The following SNTG1 variants were observed in gnomAD, a reference collection of about 807,000 sequenced individuals.
The protein encoded by SNTG1 is gamma-1-syntrophin.
In SNTG1, 39 loss-of-function variants were observed where a neutral mutation model predicts 74.7. The ratio of observed to expected loss-of-function variants is 0.52; its 90% CI spans 0.40 to 0.68. SNTG1 has a LOEUF of 0.68. SNTG1 is among the 30% of genes least tolerant of loss of function. The pLI is 0.00. For synonymous variants in SNTG1, 254 were observed against 217.1 expected, an observed-to-expected ratio of 1.17 and a Z score of -1.49; for missense variants, 685 against 609.5, an observed-to-expected ratio of 1.12 and a Z score of -1.30.
chr8:50,667,060 A>G (rs901076168), intron 15 of SNTG1, among the ~76,000 whole-genome samples: 3 of 152,076 alleles, frequency 2.0e-5, no homozygotes, highest in South Asian at 2.1e-4. Context: ...TAAAAGCAAA[A>G]TAAATCAATA....
At chr8:50,053,798 C>G (rs530256260) in intron 1 of SNTG1, among the ~76,000 whole-genome samples, 1 of 151,924 alleles carries the variant, frequency 6.6e-6, no homozygotes, top group Non-Finnish European at 1.5e-5. Flanking sequence ...ATCTACAACA[C>G]AAACCCCACC....
intron 15 of SNTG1, among the ~76,000 whole-genome samples, chr8:50,695,769 A>T (rs147884782): frequency 2.1e-3 from 319 of 151,844 alleles, no homozygotes; most frequent in Non-Finnish European, 3.8e-3. Flanking sequence ...AACGGCCTCC[A>T]GTTCCATCAA....
At chr8:50,270,212 T>A (rs2087707386) in intron 2 of SNTG1, among the ~76,000 whole-genome samples, 1 of 152,156 alleles carries the variant, frequency 6.6e-6, no homozygotes, top group Non-Finnish European at 1.5e-5. Flanking sequence ...AGGTTTTGAA[T>A]GCCAGGTTAA....
intron 2 of SNTG1, among the ~76,000 whole-genome samples, chr8:50,235,916 A>T (rs1438797147): frequency 6.6e-6 from 1 of 152,222 alleles, no homozygotes; most frequent in Non-Finnish European, 1.5e-5. Context: ...CATTATTTAA[A>T]TTTAAAGTAG....
chr8:50,087,796 T>C (rs1020094551), intron 1 of SNTG1, among the ~76,000 whole-genome samples: 60 of 152,006 alleles, frequency 3.9e-4, no homozygotes, highest in Non-Finnish European at 8.1e-4. Flanking sequence ...TATTTTTTAT[T>C]ATACTTTAAG....
At chr8:50,635,791 T>C (rs1471033872) in intron 13 of SNTG1, among the ~76,000 whole-genome samples, 1 of 152,118 alleles carries the variant, frequency 6.6e-6, no homozygotes, top group Non-Finnish European at 1.5e-5. Context: ...ACCCCTGTGG[T>C]TGAGCTGGTA....
chr8:50,774,376 G>A (rs2095634692), intron 18 of SNTG1, among the ~76,000 whole-genome samples: 1 of 151,800 alleles, frequency 6.6e-6, no homozygotes, highest in African/African-American at 2.4e-5. Context: ...CTCACAACAT[G>A]CAAAGAGTCG....
chr8:50,563,822 T>C (rs2094501087), intron 12 of SNTG1, among the ~76,000 whole-genome samples: 1 of 152,160 alleles, frequency 6.6e-6, no homozygotes, highest in Non-Finnish European at 1.5e-5. Flanking sequence ...TCTAGCCCCA[T>C]TTCCTGCCCA....
Position 50,340,195 on chromosome 8 carries a change from T to C in SNTG1, c.-27-54017T>C, listed in dbSNP as rs28764900. Among the ~76,000 whole-genome samples the C allele has an allele frequency of 6.0e-3, 917 of 152,142 alleles. 7 individuals are homozygous for C. The highest frequency in any genetic ancestry group is 0.021 in the African/African-American group (859 of 41,562). On this transcript the variant is annotated intron_variant, in intron 2 of 18. Transcript: ENST00000642720. ...AATCTCAGTCAAAATTCCAGCAAGG[T>C]ATTTTGTAGATACTAATAAACTGAT...
At chr8:50,364,960 A>G (rs867787218) in intron 2 of SNTG1, among the ~76,000 whole-genome samples, 10 of 152,178 alleles carry the variant, frequency 6.6e-5, no homozygotes, top group Middle Eastern at 3.4e-3. Flanking sequence ...ACCATAACAA[A>G]TGTTCTTTTT....
At chr8:50,453,355 G>A (rs994675592) in intron 8 of SNTG1, among the ~76,000 whole-genome samples, 3 of 152,086 alleles carry the variant, frequency 2.0e-5, no homozygotes, top group African/African-American at 7.2e-5. Flanking sequence ...GGACCAGTAC[G>A]GGAGTGTAAG....
At chr8:50,414,674 T>C (rs1236241395) in intron 4 of SNTG1, among the ~76,000 whole-genome samples, 1 of 152,122 alleles carries the variant, frequency 6.6e-6, no homozygotes, top group African/African-American at 2.4e-5. Flanking sequence ...TTGTGTGTTG[T>C]CTTGGAAAGG....
chr8:49,992,789 G>T (rs1414498130), intron 1 of SNTG1, among the ~76,000 whole-genome samples: 2 of 152,214 alleles, frequency 1.3e-5, no homozygotes, highest in Non-Finnish European at 2.9e-5. Context: ...TTTATGTATT[G>T]CTTTAAGTAT....
At chr8:50,376,685 G>A (rs2131191323) in intron 2 of SNTG1, among the ~76,000 whole-genome samples, 1 of 142,386 alleles carries the variant, frequency 7.0e-6, no homozygotes, top group East Asian at 2.0e-4. Context: ...ATCTATTTCA[G>A]AAGTAGATTA....
chr8:50,544,504 G>A (rs56388920), intron 11 of SNTG1, among the ~76,000 whole-genome samples: 19,958 of 151,720 alleles, frequency 0.13, 1,594 homozygotes, highest in Middle Eastern at 0.27. Context: ...TTTTAAAAGC[G>A]TACATTTATT....
chr8:50,485,150 C>A (rs1332055066), intron 8 of SNTG1, among the ~76,000 whole-genome samples: 1 of 152,118 alleles, frequency 6.6e-6, no homozygotes, highest in Non-Finnish European at 1.5e-5. Flanking sequence ...TGAGATATGA[C>A]CAAGAGGGCA....
At chr8:50,581,422 A>C (rs1484400324) in intron 12 of SNTG1, among the ~76,000 whole-genome samples, 2 of 152,168 alleles carry the variant, frequency 1.3e-5, no homozygotes, top group African/African-American at 4.8e-5. Flanking sequence ...TATTTACTCT[A>C]TATTTTCTAC....
At chr8:50,750,224 TA>T (rs1293642469) in intron 17 of SNTG1, among the ~76,000 whole-genome samples, 1 of 151,968 alleles carries the variant, frequency 6.6e-6, no homozygotes, top group Non-Finnish European at 1.5e-5. Context: ...ACAAGAAAAC[TA>T]AAATTATAAC....
At chr8:50,551,900 T>G (rs2094429392) in intron 11 of SNTG1, among the ~76,000 whole-genome samples, 1 of 152,138 alleles carries the variant, frequency 6.6e-6, no homozygotes, top group African/African-American at 2.4e-5. Context: ...GGCCTTACCA[T>G]GTGCCCAGTT....
Sources: allele counts gnomAD v4.1 joint callset (sites outside exome capture counted in the v4.1 genomes callset), GRCh38; gene constraint gnomAD v4.1.1; transcripts MANE v1.5; gene names NCBI Gene and HGNC (gene_info 2026-07-23, HGNC 2026-07-21).